The following TMTC1 variants were observed in gnomAD, a reference collection of about 807,000 sequenced individuals.
TMTC1 encodes transmembrane O-mannosyltransferase targeting cadherins 1, also known as protein O-mannosyl-transferase TMTC1.
Under a neutral mutation model 104.8 loss-of-function variants are expected in TMTC1, and 73 were observed. That is an observed-to-expected ratio of 0.70 (90% CI 0.58 to 0.85). The LOEUF is 0.85. Ranked by LOEUF, TMTC1 falls within the 40% of genes least tolerant of loss-of-function variation. The probability of loss-of-function intolerance (pLI) is 0.00; values close to 1 mark genes in which losing one functional copy is unlikely to be tolerated. For missense variants in TMTC1, 1,035 were observed against 1,096.1 expected, an observed-to-expected ratio of 0.94 and a Z score of 0.79; for synonymous variants, 434 against 428.7, an observed-to-expected ratio of 1.01 and a Z score of -0.15.
At chr12:29,772,034 C>CT (rs1943605657) in intron 1 of TMTC1, among the ~76,000 whole-genome samples, 1 of 152,194 alleles carries the variant, frequency 6.6e-6, no homozygotes, top group Non-Finnish European at 1.5e-5. Flanking sequence ...TGCATTTATT[C>CT]TAAGTAGCTC....
rs1486989950 is a variant in TMTC1 at position 29,518,511 on chromosome 12, G to A, written c.1985C>T (p.Ser662Leu). The change falls in exon 13 of 18, where the codon TCA becomes TTA. Residue 662 changes from serine (S) to leucine (L), a missense_variant. Transcript: ENST00000539277. ...AMVNLGRLYRSLGENSMAEEW... is the reference protein window; with the variant it reads ...AMVNLGRLYRLLGENSMAEEW... ...TTCAGCCATGCTGTTCTCTCCCAGT[G>A]ACCTGTAGAGTCTTCCCAAGTTCAC... is the stretch of plus-strand genomic sequence containing the variant. 2 of 1,614,052 alleles carry A rather than the reference G, an allele frequency of 1.2e-6. No homozygotes were observed. The highest frequency in any genetic ancestry group is 2.7e-5 in the African/African-American group (2 of 75,038).
At chr12:29,707,903 T>C (rs1344358184) in intron 5 of TMTC1, among the ~76,000 whole-genome samples, 1 of 152,168 alleles carries the variant, frequency 6.6e-6, no homozygotes, top group African/African-American at 2.4e-5. Flanking sequence ...AGCCACAGTG[T>C]TTTTTGTTTC....
intron 2 of TMTC1, among the ~76,000 whole-genome samples, chr12:29,762,229 T>C (rs780891018): frequency 6.6e-6 from 1 of 152,176 alleles, no homozygotes; most frequent in Non-Finnish European, 1.5e-5. Context: ...AAGGTCTGAA[T>C]GTAGACTGCT....
intron 5 of TMTC1, among the ~76,000 whole-genome samples, chr12:29,678,214 C>T (rs1407780623): frequency 6.6e-6 from 1 of 152,208 alleles, no homozygotes; most frequent in African/African-American, 2.4e-5. Flanking sequence ...AATTTTCTGA[C>T]TTTCATTTCT....
At chr12:29,602,430 C>T (rs912908326) in intron 7 of TMTC1, among the ~76,000 whole-genome samples, 1 of 152,330 alleles carries the variant, frequency 6.6e-6, no homozygotes, top group Admixed American at 6.5e-5. Context: ...AGCCACTGCA[C>T]CTGGCCCTAT....
At chr12:29,572,796 T>C (rs1337989578) in intron 8 of TMTC1, among the ~76,000 whole-genome samples, 1 of 152,170 alleles carries the variant, frequency 6.6e-6, no homozygotes, top group East Asian at 1.9e-4. Flanking sequence ...TTTGCATCTG[T>C]CTCTGGAGCA....
chr12:29,714,622 T>TA, intron 5 of TMTC1, among the ~76,000 whole-genome samples: 1 of 152,342 alleles, frequency 6.6e-6, no homozygotes. Context: ...AAATAGTTTT[T>TA]ACCTCACAGA....
At chr12:29,687,733 G>C (rs1941139640) in intron 5 of TMTC1, among the ~76,000 whole-genome samples, 1 of 152,246 alleles carries the variant, frequency 6.6e-6, no homozygotes, top group African/African-American at 2.4e-5. Flanking sequence ...GGAGGGAGCA[G>C]TAGGGTTGGT....
intron 10 of TMTC1, among the ~76,000 whole-genome samples, chr12:29,552,861 A>T (rs570762060): frequency 6.6e-6 from 1 of 152,242 alleles, no homozygotes; most frequent in African/African-American, 2.4e-5. Flanking sequence ...CTTAAAGTGA[A>T]TAAATAGTAA....
At position 29,619,488 on chromosome 12, in the gene TMTC1, C is replaced by T. The variant is rs370325609; in HGVS notation, c.1128+13659G>A. 6.3e-4 allele frequency among the ~76,000 whole-genome samples: 96 copies of T among 152,350 alleles called. 3 individuals carry two copies. The highest frequency in any genetic ancestry group is 1.8e-3 in the African/African-American group (73 of 41,578). Reference sequence around the variant, plus strand: ...AGACTGCTCAAGGGCCACTGATTTTCAGGTAGCTGCTGAACAAAGGGTTGC... The same window carrying T: ...AGACTGCTCAAGGGCCACTGATTTTTAGGTAGCTGCTGAACAAAGGGTTGC... On this transcript the variant is annotated intron_variant, in intron 6 of 17. Coordinates refer to ENST00000539277, the MANE Select transcript of TMTC1 (RefSeq NM_001193451.2).
At chr12:29,567,093 G>T (rs1338504499) in intron 9 of TMTC1, among the ~76,000 whole-genome samples, 2 of 152,190 alleles carry the variant, frequency 1.3e-5, no homozygotes, top group Non-Finnish European at 2.9e-5. Flanking sequence ...ACACCTCTAA[G>T]GGGACATCCC....
intron 7 of TMTC1, among the ~76,000 whole-genome samples, chr12:29,602,086 G>A (rs1309218127): frequency 6.6e-6 from 1 of 151,478 alleles, no homozygotes; most frequent in Non-Finnish European, 1.5e-5. Context: ...TGCCCGCCTC[G>A]GCCTCCCAAA....
chr12:29,678,606 A>G (rs1718130739), intron 5 of TMTC1, among the ~76,000 whole-genome samples: 1 of 152,224 alleles, frequency 6.6e-6, no homozygotes, highest in Non-Finnish European at 1.5e-5. Flanking sequence ...GATGTGAACA[A>G]GAAATAAGCT....
chr12:29,594,561 T>A (rs1017000628), intron 7 of TMTC1, among the ~76,000 whole-genome samples: 8 of 152,356 alleles, frequency 5.3e-5, no homozygotes, highest in African/African-American at 1.9e-4. Context: ...GGAGGATTTG[T>A]TAAGATTACT....
intron 12 of TMTC1, among the ~76,000 whole-genome samples, chr12:29,520,236 T>C (rs1214361121): frequency 1.3e-5 from 2 of 152,226 alleles, no homozygotes; most frequent in East Asian, 3.8e-4. Flanking sequence ...AAAAATATGT[T>C]ATAGAAAAGT....
intron 5 of TMTC1, among the ~76,000 whole-genome samples, chr12:29,654,761 G>T (rs1277967451): frequency 6.6e-6 from 1 of 151,888 alleles, no homozygotes; most frequent in Non-Finnish European, 1.5e-5. Context: ...CCATATAATG[G>T]AATGCTACTG....
chr12:29,712,455 A>G (rs1447540041), intron 5 of TMTC1, among the ~76,000 whole-genome samples: 1 of 152,248 alleles, frequency 6.6e-6, no homozygotes, highest in African/African-American at 2.4e-5. Flanking sequence ...TTGTAAGTGT[A>G]TGATATCTAA....
intron 7 of TMTC1, among the ~76,000 whole-genome samples, chr12:29,588,289 T>G (rs541096419): frequency 7.2e-5 from 11 of 152,306 alleles, no homozygotes; most frequent in African/African-American, 2.6e-4. Flanking sequence ...TCTTCTCACT[T>G]CCACAACTCC....
chr12:29,642,651 C>A (rs113094413), intron 5 of TMTC1, among the ~76,000 whole-genome samples: 3 of 151,976 alleles, frequency 2.0e-5, no homozygotes, highest in East Asian at 3.9e-4. Context: ...ATAGGCCAGG[C>A]GCAGTGGCTC....
Sources: allele counts gnomAD v4.1 joint callset (sites outside exome capture counted in the v4.1 genomes callset), GRCh38; gene constraint gnomAD v4.1.1; transcripts MANE v1.5; gene names NCBI Gene and HGNC (gene_info 2026-07-23, HGNC 2026-07-21).